Variants in SHISA9 observed in about 807,000 individuals in gnomAD.
The protein encoded by SHISA9 is protein shisa-9.
Under a neutral mutation model 38.0 loss-of-function variants are expected in SHISA9, and 13 were observed. The observed-to-expected ratio is 0.34, with a 90% CI of 0.22 to 0.54. SHISA9 has a LOEUF of 0.54. SHISA9 is among the 20% of genes least tolerant of loss of function. The pLI, the probability that SHISA9 is intolerant of heterozygous loss-of-function variation, is 0.91. For missense variants in SHISA9, 538 were observed against 575.8 expected (o/e 0.93, Z 0.67); for synonymous variants, 275 against 242.0 (o/e 1.14, Z -1.27).
downstream of SHISA9, among the ~76,000 whole-genome samples, chr16:13,241,877 T>C (rs2051437952): frequency 6.6e-6 from 1 of 152,148 alleles, no homozygotes; most frequent in Non-Finnish European, 1.5e-5. Context: ...TTTCAGCACT[T>C]GGAAACTTGG....
intron 2 of SHISA9, among the ~76,000 whole-genome samples, chr16:12,949,181 G>A (rs958757280): frequency 1.3e-5 from 2 of 152,202 alleles, no homozygotes; most frequent in African/African-American, 4.8e-5. Flanking sequence ...TGCAAAGCAT[G>A]TATTATGGGA....
intron 1 of SHISA9, 61 bp from the exon 2 acceptor site, chr16:12,916,627 G>A (rs1421416805): frequency 2.0e-6 from 3 of 1,523,150 alleles, no homozygotes; most frequent in Non-Finnish European, 2.6e-6. Flanking sequence ...AGTACTCGGC[G>A]CATAGCAGCT....
At chr16:12,908,922 G>A (rs2071143014) in intron 1 of SHISA9, 1 of 1,016,844 alleles carries the variant, frequency 9.8e-7, no homozygotes, top group South Asian at 4.3e-5. Flanking sequence ...GCAGATAAGG[G>A]TCCTGTGTGT....
At chr16:13,129,019 A>G (rs1358323398) in intron 2 of SHISA9, among the ~76,000 whole-genome samples, 1 of 152,156 alleles carries the variant, frequency 6.6e-6, no homozygotes, top group African/African-American at 2.4e-5. Flanking sequence ...CAATGACTCT[A>G]TGTCATTGCC....
At chr16:13,469,423 A>AAG in the SHISA9 span, among the ~76,000 whole-genome samples, 4,873 of 109,830 alleles carry the variant, frequency 0.044, 227 homozygotes, top group East Asian at 0.094. Context: ...GAAAGAAAGA[A>AAG]AAAGAAAGAA....
At chr16:13,376,115 A>G in the SHISA9 span, among the ~76,000 whole-genome samples, 7,289 of 152,282 alleles carry the variant, frequency 0.048, 381 homozygotes, top group African/African-American at 0.13. Context: ...AGAAAATGAA[A>G]TACCACACAA....
At chr16:13,091,045 C>T (rs1488836257) in intron 2 of SHISA9, among the ~76,000 whole-genome samples, 1 of 152,098 alleles carries the variant, frequency 6.6e-6, no homozygotes, top group Non-Finnish European at 1.5e-5. Context: ...TTTTATTTCT[C>T]CTTCATTTAT....
the SHISA9 span, among the ~76,000 whole-genome samples, chr16:13,502,431 G>T: frequency 1.6e-4 from 25 of 152,120 alleles, no homozygotes; most frequent in African/African-American, 6.0e-4. Context: ...TATTAACAGA[G>T]GCTGGAATGC....
the SHISA9 span, among the ~76,000 whole-genome samples, chr16:13,367,870 G>C: frequency 6.6e-6 from 1 of 151,794 alleles, no homozygotes; most frequent in East Asian, 1.9e-4. Flanking sequence ...ATTAGTAGCT[G>C]CAATCAGCTA....
chr16:12,982,908 G>C (rs2072259561), intron 2 of SHISA9, among the ~76,000 whole-genome samples: 1 of 152,330 alleles, frequency 6.6e-6, no homozygotes, highest in African/African-American at 2.4e-5. Context: ...TAGCTGTCCT[G>C]ATTCTGTAAG....
the SHISA9 span, among the ~76,000 whole-genome samples, chr16:13,488,830 C>T: frequency 6.6e-6 from 1 of 152,332 alleles, no homozygotes; most frequent in South Asian, 2.1e-4. Context: ...GGCGCGATCT[C>T]AGCTCACTGC....
the SHISA9 span, among the ~76,000 whole-genome samples, chr16:13,524,319 A>T: frequency 5.1e-4 from 77 of 152,336 alleles, no homozygotes; most frequent in Non-Finnish European, 2.1e-4. Flanking sequence ...CATTTTAGGA[A>T]TCATAAATAT....
At chr16:13,461,538 C>T in the SHISA9 span, among the ~76,000 whole-genome samples, 1 of 149,768 alleles carries the variant, frequency 6.7e-6, no homozygotes, top group Non-Finnish European at 1.5e-5. Flanking sequence ...GAGACTGTGC[C>T]ATTGCACTCC....
intron 2 of SHISA9, among the ~76,000 whole-genome samples, chr16:13,197,104 TACACACACAC>T (rs58365720): frequency 0.12 from 13,154 of 106,420 alleles, 794 homozygotes; most frequent in East Asian, 0.3. Context: ...TCTCTGTACA[TACACACACAC>T]ACACACACAC....
At chr16:13,499,159 A>T in the SHISA9 span, among the ~76,000 whole-genome samples, 2 of 152,172 alleles carry the variant, frequency 1.3e-5, no homozygotes, top group East Asian at 3.9e-4. Flanking sequence ...ATCAGTAACC[A>T]ATCAGTAACT....
chr16:13,523,756 C>T, the SHISA9 span, among the ~76,000 whole-genome samples: 1 of 152,148 alleles, frequency 6.6e-6, no homozygotes, highest in Non-Finnish European at 1.5e-5. Flanking sequence ...CAGTCACCTC[C>T]CACCAGGACC....
rs534242020 is a variant in SHISA9, at chr16:13,112,362, G to A, written c.692-91032G>A. Among the ~76,000 whole-genome samples, 5 of 151,956 alleles carry A rather than the reference G, an allele frequency of 3.3e-5. No homozygotes were observed. The South Asian group carries it at 1.0e-3, about 32-fold the overall frequency. ...AAAAGGAAGAAAGATGGGAAGTGAAGAAGAAGGGAAAGAGGGAGGCAGGGA... is the reference window on the plus strand; with the variant it reads ...AAAAGGAAGAAAGATGGGAAGTGAAAAAGAAGGGAAAGAGGGAGGCAGGGA... On this transcript the variant is annotated intron_variant, in intron 2 of 4. Coordinates refer to ENST00000558583, the MANE Select transcript of SHISA9 (RefSeq NM_001145204.3).
intron 2 of SHISA9, among the ~76,000 whole-genome samples, chr16:13,080,492 C>T (rs553508946): frequency 6.6e-6 from 1 of 151,038 alleles, no homozygotes; most frequent in South Asian, 2.1e-4. Flanking sequence ...AGTGTGGATC[C>T]TGTGTCTGCC....
rs150097634 is a variant in SHISA9, at chr16:13,212,712, G to A, written c.848-541G>A. On this transcript the variant is annotated intron_variant, in intron 3 of 4. Coordinates refer to ENST00000558583, the MANE Select transcript of SHISA9 (RefSeq NM_001145204.3). ...AAACACAGAATGTGTGTTAGGTACT[G>A]TGGTAAGGTAGCCCCCACCCCATGG... Among the ~76,000 whole-genome samples, 18 of 152,294 alleles carry A rather than the reference G, an allele frequency of 1.2e-4. No homozygotes were observed. In the East Asian group the frequency reaches 3.5e-3, roughly 29 times the overall value.
Sources: gnomAD v4.1 joint callset for allele counts (sites outside exome capture counted in the v4.1 genomes callset) on GRCh38, gnomAD v4.1.1 for gene constraint, MANE v1.5 for transcripts, NCBI Gene and HGNC (gene_info 2026-07-23, HGNC 2026-07-21) for gene names.